The following MRC1 variants were observed in gnomAD, a reference collection of about 807,000 sequenced individuals.
The protein encoded by MRC1 is macrophage mannose receptor 1.
A neutral mutation model predicts 102.9 loss-of-function variants in MRC1; 62 were observed. The observed-to-expected ratio is 0.60, with a 90% confidence interval of 0.49 to 0.74. MRC1 has a LOEUF of 0.74. Among genes scored for constraint, MRC1 ranks in the 30% least tolerant of loss-of-function variants. The pLI, the probability that MRC1 is intolerant of heterozygous loss-of-function variation, is 0.00. For synonymous variants in MRC1, 457 were observed against 298.4 expected, an observed-to-expected ratio of 1.53 and a Z score of -5.48; for missense variants, 1,237 against 862.8, an observed-to-expected ratio of 1.43 and a Z score of -5.43.
chr10:17,828,100 G>A lies in MRC1; in HGVS notation c.637+385G>A, dbSNP rs576680041. On this transcript the variant is annotated intron_variant, in intron 3 of 29. Coordinates refer to ENST00000569591, the MANE Select transcript of MRC1 (RefSeq NM_002438.4). ...TATTTATTTATTTATTTTTTGAGACGGAGTCTCGCTGTGTCTCCCAGGCTG... is the reference window on the plus strand; with the variant it reads ...TATTTATTTATTTATTTTTTGAGACAGAGTCTCGCTGTGTCTCCCAGGCTG... Among the ~76,000 whole-genome samples, 582 of 152,120 alleles carry A rather than the reference G, an allele frequency of 3.8e-3. 1 individual carries two copies. The highest frequency in any genetic ancestry group is 0.02 in the Middle Eastern group (6 of 294).
Position 17,822,484 on chromosome 10 carries a change from G to A in MRC1, c.62-590G>A, listed in dbSNP as rs1020628507. ...AAAAAATAAAAAATGAGTTGGTTAT[G>A]GTGGTACAAGCCTGTAGTCCCAGCT... On this transcript the variant is annotated intron_variant, in intron 1 of 29. Coordinates refer to ENST00000569591, the MANE Select transcript of MRC1 (RefSeq NM_002438.4). 3.9e-5 allele frequency among the ~76,000 whole-genome samples: 6 copies of A among 152,236 alleles called. No individual in the cohort carries two copies. In the South Asian group the frequency reaches 6.2e-4, roughly 16 times the overall value.
At chr10:17,811,667 C>T (rs1354005533) in intron 1 of MRC1, among the ~76,000 whole-genome samples, 1 of 152,162 alleles carries the variant, frequency 6.6e-6, no homozygotes, top group Non-Finnish European at 1.5e-5. Flanking sequence ...TCATGCAATC[C>T]TCCCACCTTG....
intron 1 of MRC1, among the ~76,000 whole-genome samples, chr10:17,819,606 A>G (rs1291655779): frequency 6.6e-6 from 1 of 152,030 alleles, no homozygotes; most frequent in African/African-American, 2.4e-5. Flanking sequence ...GTAGAGGAGT[A>G]TGCAGGAAAC....
intron 1 of MRC1, among the ~76,000 whole-genome samples, chr10:17,816,501 G>A (rs1053537734): frequency 2.6e-5 from 4 of 152,172 alleles, no homozygotes; most frequent in Non-Finnish European, 2.9e-5. Context: ...AGCCGTCAGC[G>A]GTTCTCCTTG....
At position 17,910,818 on chromosome 10, in the gene MRC1, A is replaced by G; in HGVS notation, c.*353A>G. 4.1e-6 allele frequency: 1 copy of G among 245,994 alleles called. No individual in the cohort carries two copies. The highest frequency in any genetic ancestry group is 7.9e-6 in the Non-Finnish European group (1 of 126,222). 15.2% of individuals were successfully genotyped at this position (245,994 alleles called of 1,614,324 possible). A position where few individuals can be genotyped will look rare whatever the true frequency, so the allele number is the denominator to read the frequency against. The stretch of plus-strand genomic sequence containing the variant: ...TGGCATATTTTAAGGAGCTCCCAAA[A>G]TGTGTTACCTATTAAATTGTAACTC... On this transcript the variant is annotated 3_prime_UTR_variant, in exon 30 of 30. Coordinates refer to ENST00000569591, the MANE Select transcript of MRC1 (RefSeq NM_002438.4).
At chr10:17,876,988 G>A (rs1440325499) in intron 17 of MRC1, among the ~76,000 whole-genome samples, 2 of 151,744 alleles carry the variant, frequency 1.3e-5, no homozygotes, top group African/African-American at 4.8e-5. Context: ...AAAGGTACTA[G>A]AGTATACTCT....
intron 24 of MRC1, among the ~76,000 whole-genome samples, chr10:17,899,006 C>A (rs1024027130): frequency 6.6e-6 from 1 of 151,656 alleles, no homozygotes; most frequent in Non-Finnish European, 1.5e-5. Context: ...GAAAAGGGAC[C>A]AGTTGGGCTA....
intron 23 of MRC1, among the ~76,000 whole-genome samples, chr10:17,895,781 G>C (rs1833746164): frequency 1.3e-5 from 2 of 152,332 alleles, no homozygotes; most frequent in South Asian, 4.1e-4. Flanking sequence ...CTTCACCCAG[G>C]AAGGAATTTA....
chr10:17,813,658 T>TACACAC (rs1480696499), intron 1 of MRC1, among the ~76,000 whole-genome samples: 1 of 126,804 alleles, frequency 7.9e-6, no homozygotes, highest in Non-Finnish European at 1.7e-5. Context: ...TACATATATA[T>TACACAC]ATATACACAC....
At chr10:17,817,652 G>A (rs946248404) in intron 1 of MRC1, among the ~76,000 whole-genome samples, 20 of 152,062 alleles carry the variant, frequency 1.3e-4, no homozygotes, top group Non-Finnish European at 2.2e-4. Context: ...TTTCTGATGT[G>A]TAAGTATTAA....
Position 17,894,203 on chromosome 10 carries a change from T to C in MRC1, c.3148-7T>C, listed in dbSNP as rs1206681982. On this transcript the variant is annotated splice_region_variant and splice_polypyrimidine_tract_variant and intron_variant, in intron 22 of 29. Coordinates refer to ENST00000569591, the MANE Select transcript of MRC1 (RefSeq NM_002438.4). ...TGTTTTCTTTTTCTTTCTCCATAAA[T>C]ATACAGGCTGACTGTGTTGTTATTA... 5.7e-6 allele frequency: 5 copies of C among 872,554 alleles called. No individual in the cohort carries two copies. The East Asian group carries it at 1.2e-4, about 21-fold the overall frequency. The allele number at this position is 872,554 out of a possible 1,614,324, so 54.1% of individuals were successfully genotyped here.
At position 17,874,695 on chromosome 10, in the gene MRC1, C is replaced by CTT. The variant is rs1213680184; in HGVS notation, c.2387-384_2387-383dup. ...CCAAGTGCATCTATTCGAAGTTTTG[C>CTT]TTTTTTTTTTTTCTTATACTGGGGT... On this transcript the variant is annotated intron_variant, in intron 16 of 29. Coordinates refer to ENST00000569591, the MANE Select transcript of MRC1 (RefSeq NM_002438.4). Among the ~76,000 whole-genome samples the CTT allele has an allele frequency of 8.4e-3, 1,239 of 147,192 alleles. 8 individuals carry two copies. Among genetic ancestry groups the CTT allele is most frequent in the Non-Finnish European group, 0.013 (893 of 66,644 alleles).
Position 17,907,011 on chromosome 10 carries a change from A to G in MRC1, c.3913+12A>G. The G allele has an allele frequency of 1.3e-6, 1 of 780,642 alleles. No homozygotes were observed. 48.4% of individuals were successfully genotyped at this position (780,642 alleles called of 1,614,324 possible). Reference sequence around the variant, plus strand: ...CAGAAATGTTGAAGGTAATTTTTGCAGCATGCTTATTTAATCACAAATATT... The same window carrying G: ...CAGAAATGTTGAAGGTAATTTTTGCGGCATGCTTATTTAATCACAAATATT... On this transcript the variant is annotated intron_variant, in intron 27 of 29. Coordinates refer to ENST00000569591, the MANE Select transcript of MRC1 (RefSeq NM_002438.4).
intron 19 of MRC1, 118 bp from the exon 20 acceptor site, chr10:17,880,407 G>A (rs1833497261): frequency 2.7e-6 from 2 of 728,204 alleles, no homozygotes; most frequent in Non-Finnish European, 5.0e-6. Flanking sequence ...TAAAAATAAA[G>A]TTTGATTATA....
chr10:17,810,550 C>T (rs2130564280), intron 1 of MRC1, among the ~76,000 whole-genome samples: 1 of 152,306 alleles, frequency 6.6e-6, no homozygotes, highest in East Asian at 1.9e-4. Context: ...CTCTCTCACT[C>T]ACTAGCTTTG....
Position 17,906,939 on chromosome 10 carries a change from C to G in MRC1, c.3853C>G (p.Arg1285Gly). The G allele has an allele frequency of 1.2e-6, 1 of 829,896 alleles. No homozygotes were observed. The highest frequency in any genetic ancestry group is 2.2e-6 in the Non-Finnish European group (1 of 462,974). The allele number at this position is 829,896 out of a possible 1,614,324, so 51.4% of individuals were successfully genotyped here. ...TGCAGAATCCAGTTTTCTGTCATAT[C>G]GGGTTGAGCCACTTAAAAGTAAAAC... is the stretch of plus-strand genomic sequence containing the variant. ...SAAESSFLSYRVEPLKSKTNF... is the reference protein window; with the variant it reads ...SAAESSFLSYGVEPLKSKTNF... Residue 1285 changes from arginine (R) to glycine (G), a missense_variant, in exon 27 of 30, where the codon CGG becomes GGG. Physicochemically the swap from Arg to Gly is moderately radical, Grantham distance 125 (BLOSUM62 -2). Transcript: ENST00000569591.
intron 9 of MRC1, among the ~76,000 whole-genome samples, chr10:17,856,838 AT>A (rs1262543959): frequency 6.6e-6 from 1 of 152,038 alleles, no homozygotes; most frequent in Admixed American, 6.5e-5. Flanking sequence ...CCTGGAGAGG[AT>A]TCTTCTCAGT....
At chr10:17,831,981 A>G (rs2130609195) in intron 3 of MRC1, among the ~76,000 whole-genome samples, 1 of 151,706 alleles carries the variant, frequency 6.6e-6, no homozygotes, top group East Asian at 1.9e-4. Context: ...TACAAGCAAC[A>G]TTTGCTATTG....
chr10:17,867,304 T>A (rs973556844), intron 12 of MRC1, among the ~76,000 whole-genome samples: 10 of 138,794 alleles, frequency 7.2e-5, no homozygotes, highest in Non-Finnish European at 1.3e-4. Flanking sequence ...CGTTCCTTCT[T>A]CCTTCTTCCT....
Sources: allele counts gnomAD v4.1 joint callset (sites outside exome capture counted in the v4.1 genomes callset), GRCh38; gene constraint gnomAD v4.1.1; transcripts MANE v1.5; gene names NCBI Gene and HGNC (gene_info 2026-07-23, HGNC 2026-07-21).